The following RGS5 variants were observed in gnomAD, a reference collection of about 807,000 sequenced individuals.
The protein encoded by RGS5 is regulator of G protein signaling 5, also known as regulator of G-protein signalling 5.
In RGS5, 20 loss-of-function variants were observed where a neutral mutation model predicts 18.9. The observed-to-expected ratio is 1.06, with a 90% CI of 0.74 to 1.54. The LOEUF is 1.54. Among genes scored for constraint, RGS5 ranks in the 40% most tolerant of loss-of-function variants. The pLI is 0.00. For missense variants in RGS5, 201 were observed against 211.8 expected (o/e 0.95, Z 0.32); for synonymous variants, 57 against 76.2 (o/e 0.75, Z 1.31).
chr1:163,163,780 T>C (rs542952138), intron 2 of RGS5, among the ~76,000 whole-genome samples: 36 of 152,172 alleles, frequency 2.4e-4, no homozygotes, highest in Admixed American at 4.6e-4. Context: ...ATTAAATTAT[T>C]AGACAAAAGA....
chr1:163,295,930 C>A (rs1649409719), intron 2 of RGS5, among the ~76,000 whole-genome samples: 1 of 151,978 alleles, frequency 6.6e-6, no homozygotes. Context: ...TCAATCAACT[C>A]TCTGTTTTCA....
chr1:163,254,176 T>C (rs1158925974), intron 2 of RGS5, among the ~76,000 whole-genome samples: 1 of 149,652 alleles, frequency 6.7e-6, no homozygotes, highest in Non-Finnish European at 1.5e-5. Context: ...AGTAATGGGA[T>C]GGCTGGGTCA....
chr1:163,154,771 T>G (rs1003794651), intron 3 of RGS5, among the ~76,000 whole-genome samples: 9 of 151,208 alleles, frequency 6.0e-5, no homozygotes, highest in African/African-American at 2.2e-4. Flanking sequence ...AATATAAAAC[T>G]TATTTCTCTC....
intron 2 of RGS5, among the ~76,000 whole-genome samples, chr1:163,285,721 C>CT (rs1223492405): frequency 3.9e-5 from 6 of 152,124 alleles, no homozygotes; most frequent in Middle Eastern, 6.8e-3. Flanking sequence ...TTGCTGTTCT[C>CT]TTGATAGAGT....
intron 3 of RGS5, among the ~76,000 whole-genome samples, chr1:163,154,013 C>A (rs1046849348): frequency 2.6e-5 from 4 of 152,064 alleles, no homozygotes; most frequent in Admixed American, 2.0e-4. Flanking sequence ...TCACTTTGCC[C>A]CCCAGGGCAG....
intron 2 of RGS5, chr1:163,238,693 C>A (rs762637184): frequency 1.1e-5 from 3 of 278,260 alleles, no homozygotes; most frequent in South Asian, 1.5e-4. Flanking sequence ...CCATGTAAAT[C>A]ATTTGATTCC....
At chr1:163,160,973 C>CAA (rs745956135) in intron 3 of RGS5, among the ~76,000 whole-genome samples, 104 of 152,138 alleles carry the variant, frequency 6.8e-4, no homozygotes, top group Admixed American at 1.4e-3. Context: ...AGAAGTGAGC[C>CAA]AACTATGAAC....
chr1:163,190,239 C>A (rs1410276630), intron 1 of RGS5, among the ~76,000 whole-genome samples: 5 of 152,134 alleles, frequency 3.3e-5, no homozygotes, highest in African/African-American at 1.2e-4. Flanking sequence ...AGGCTTATAG[C>A]AAAAGCCTGT....
At chr1:163,195,681 A>T (rs1199823425) in intron 1 of RGS5, among the ~76,000 whole-genome samples, 3 of 151,676 alleles carry the variant, frequency 2.0e-5, no homozygotes, top group South Asian at 2.1e-4. Flanking sequence ...ATTTTTTTTT[A>T]AAAGATGAGG....
chr1:163,276,350 T>TA (rs1303719600), intron 2 of RGS5, among the ~76,000 whole-genome samples: 2 of 151,944 alleles, frequency 1.3e-5, no homozygotes, highest in Non-Finnish European at 2.9e-5. Context: ...CCTGTAGTAT[T>TA]AAAAAAAATA....
chr1:163,180,686 G>GCTTTTTT (rs1658782132), intron 1 of RGS5, among the ~76,000 whole-genome samples: 3 of 61,962 alleles, frequency 4.8e-5, no homozygotes, highest in Non-Finnish European at 9.0e-5. Flanking sequence ...CCCTTACCCT[G>GCTTTTTT]TTTTTTTTTT....
chr1:163,317,580 C>T (rs948996816), intron 1 of RGS5, among the ~76,000 whole-genome samples: 7 of 152,236 alleles, frequency 4.6e-5, no homozygotes, highest in East Asian at 1.9e-4. Flanking sequence ...CTCAGAGTAG[C>T]GATTCATCAT....
intron 2 of RGS5, among the ~76,000 whole-genome samples, chr1:163,301,932 T>C (rs1398679105): frequency 6.6e-6 from 1 of 152,024 alleles, no homozygotes. Context: ...CTTTCTCTAG[T>C]ATTGAAGAAA....
chr1:163,188,189 G>T (rs937372409), intron 1 of RGS5, among the ~76,000 whole-genome samples: 1 of 152,118 alleles, frequency 6.6e-6, no homozygotes, highest in Non-Finnish European at 1.5e-5. Context: ...TGACTCCTGA[G>T]GAGCTAGTTC....
chr1:163,293,681 A>T (rs192094863), intron 2 of RGS5, among the ~76,000 whole-genome samples: 82 of 152,220 alleles, frequency 5.4e-4, no homozygotes, highest in African/African-American at 1.9e-3. Context: ...TCCAGCATTA[A>T]CCCAAAAGTC....
upstream of RGS5, among the ~76,000 whole-genome samples, chr1:163,222,306 G>A (rs1398273953): frequency 1.3e-5 from 2 of 152,004 alleles, no homozygotes; most frequent in Non-Finnish European, 2.9e-5. Flanking sequence ...CTGTGCATGC[G>A]AGGAATCTAG....
chr1:163,241,659 T>C (rs1410740754), intron 2 of RGS5, among the ~76,000 whole-genome samples: 1 of 152,230 alleles, frequency 6.6e-6, no homozygotes, highest in African/African-American at 2.4e-5. Context: ...ATTCATTCTT[T>C]AAATTAAAAT....
intron 1 of RGS5, chr1:163,211,595 G>A (rs1320863018): frequency 1.4e-4 from 22 of 151,980 alleles, no homozygotes; most frequent in Admixed American, 1.4e-3. Context: ...TTTTCTCTGG[G>A]GGATGGCCTC....
chr1:163,240,852 GGT>G (rs1202346470), intron 2 of RGS5, among the ~76,000 whole-genome samples: 1 of 152,142 alleles, frequency 6.6e-6, no homozygotes, highest in Non-Finnish European at 1.5e-5. Flanking sequence ...TTGAGGTCAT[GGT>G]TACCTGGGTG....
Sources: gnomAD v4.1 joint callset for allele counts (sites outside exome capture counted in the v4.1 genomes callset) on GRCh38, gnomAD v4.1.1 for gene constraint, MANE v1.5 for transcripts, NCBI Gene and HGNC (gene_info 2026-07-23, HGNC 2026-07-21) for gene names.